Variants in ABCB1 observed in about 807,000 individuals in gnomAD.
ABCB1 encodes ATP-dependent translocase ABCB1.
Under a neutral mutation model 142.0 loss-of-function variants are expected in ABCB1, and 69 were observed. The ratio of observed to expected loss-of-function variants is 0.49; its 90% confidence interval spans 0.40 to 0.59. The LOEUF is 0.59. ABCB1 is among the 20% of genes least tolerant of loss of function. The pLI is 0.00. For missense variants in ABCB1, 1,326 were observed against 1,554.7 expected, an observed-to-expected ratio of 0.85 and a Z score of 2.47; for synonymous variants, 532 against 539.2, an observed-to-expected ratio of 0.99 and a Z score of 0.18.
At chr7:87,632,611 T>A (rs1381307762) in intron 1 of ABCB1, among the ~76,000 whole-genome samples, 1 of 152,196 alleles carries the variant, frequency 6.6e-6, no homozygotes, top group Non-Finnish European at 1.5e-5. Flanking sequence ...ATATTCTCTA[T>A]CGTTTAGAAC....
chr7:87,648,475 G>A (rs1823249726), intron 1 of ABCB1, among the ~76,000 whole-genome samples: 1 of 151,920 alleles, frequency 6.6e-6, no homozygotes, highest in African/African-American at 2.4e-5. Context: ...AGCATTGAAA[G>A]TGTAAAGGAA....
At chr7:87,512,452 A>C (rs954470582) in intron 25 of ABCB1, among the ~76,000 whole-genome samples, 1 of 152,184 alleles carries the variant, frequency 6.6e-6, no homozygotes, top group Non-Finnish European at 1.5e-5. Context: ...GTTTTTTACT[A>C]GCTCTTGAGG....
intron 1 of ABCB1, among the ~76,000 whole-genome samples, chr7:87,633,757 A>T (rs1407765520): frequency 6.6e-6 from 1 of 152,174 alleles, no homozygotes; most frequent in Non-Finnish European, 1.5e-5. Context: ...GGTGCTAACT[A>T]ATCAGAAAAA....
chr7:87,518,077 A>G (rs1815330573), intron 23 of ABCB1, among the ~76,000 whole-genome samples: 1 of 152,236 alleles, frequency 6.6e-6, no homozygotes, highest in African/African-American at 2.4e-5. Flanking sequence ...AGCCTGGAAC[A>G]GACATAATAC....
chr7:87,600,560 A>ACT (rs1325234545), intron 1 of ABCB1, among the ~76,000 whole-genome samples, 195 bp downstream of exon 1: 1 of 152,186 alleles, frequency 6.6e-6, no homozygotes, highest in Non-Finnish European at 1.5e-5. Flanking sequence ...GTCCAGTGCC[A>ACT]CTACGGTTTG....
At chr7:87,702,003 C>T (rs919988345) in intron 1 of ABCB1, among the ~76,000 whole-genome samples, 1 of 151,490 alleles carries the variant, frequency 6.6e-6, no homozygotes, top group Non-Finnish European at 1.5e-5. Context: ...ATTAGCCAGG[C>T]GTGGTGGTGG....
intron 1 of ABCB1, among the ~76,000 whole-genome samples, chr7:87,686,884 T>A (rs975347222): frequency 1.3e-5 from 2 of 149,510 alleles, no homozygotes; most frequent in African/African-American, 4.9e-5. Flanking sequence ...AGACCAAGGC[T>A]GCAGTGAGCC....
intron 1 of ABCB1, among the ~76,000 whole-genome samples, chr7:87,611,726 C>T (rs59360718): frequency 0.024 from 3,658 of 152,108 alleles, 159 homozygotes; most frequent in African/African-American, 0.083. Flanking sequence ...TTGATTTATG[C>T]AGATTTGAGT....
chr7:87,691,742 G>A (rs1314841826), intron 1 of ABCB1, among the ~76,000 whole-genome samples: 3 of 152,142 alleles, frequency 2.0e-5, no homozygotes, highest in Non-Finnish European at 4.4e-5. Context: ...CCTTCTTTCT[G>A]GGGTTGTCAG....
At chr7:87,699,118 G>GTGGT (rs2130685065) in intron 1 of ABCB1, among the ~76,000 whole-genome samples, 1 of 152,186 alleles carries the variant, frequency 6.6e-6, no homozygotes, top group South Asian at 2.1e-4. Flanking sequence ...TATTATCTCA[G>GTGGT]ACATTGGTCC....
chr7:87,611,097 A>G (rs945254408), intron 1 of ABCB1, among the ~76,000 whole-genome samples: 1 of 152,224 alleles, frequency 6.6e-6, no homozygotes, highest in Non-Finnish European at 1.5e-5. Flanking sequence ...TGTAAAATCT[A>G]CATAGGACCA....
intron 4 of ABCB1, among the ~76,000 whole-genome samples, chr7:87,575,568 C>G (rs1818239366): frequency 6.6e-6 from 1 of 152,048 alleles, no homozygotes; most frequent in Admixed American, 6.5e-5. Context: ...TTAAGAAGCT[C>G]TAATAAACCA....
rs576829142 is a variant in ABCB1 at position 87,544,202 on chromosome 7, A to C, written c.2138T>G (p.Val713Gly). 3 of 1,613,960 alleles carry C rather than the reference A, an allele frequency of 1.9e-6. No homozygotes were observed. Among genetic ancestry groups the C allele is most frequent in the Admixed American group, 1.7e-5 (1 of 60,026 alleles). The change falls in exon 17 of 28, where the codon GTT becomes GGT. Residue 713 changes from valine to glycine, a missense_variant. Coordinates refer to ENST00000622132, the MANE Select transcript of ABCB1 (RefSeq NM_001348946.2). Reference protein sequence around the residue: ...LNLTEWPYFVVGVFCAIINGG... With the variant: ...LNLTEWPYFVGGVFCAIINGG... ...ATTTATAATGGCACAAAATACACCA[A>C]CAACAAAATAAGGCCATTCAGTTAA...
intron 1 of ABCB1, among the ~76,000 whole-genome samples, chr7:87,696,721 T>C (rs904228954): frequency 6.6e-5 from 10 of 152,302 alleles, no homozygotes; most frequent in African/African-American, 2.4e-4. Flanking sequence ...ATCTAATTTG[T>C]AGAGCAGATA....
At chr7:87,604,800 T>A (rs1162482570), upstream of ABCB1, among the ~76,000 whole-genome samples, 1 of 152,210 alleles carries the variant, frequency 6.6e-6, no homozygotes, top group Non-Finnish European at 1.5e-5. Flanking sequence ...GATAAGTCGA[T>A]GGCAAATGGA....
At chr7:87,630,001 T>A (rs372428994) in intron 1 of ABCB1, among the ~76,000 whole-genome samples, 2 of 152,174 alleles carry the variant, frequency 1.3e-5, no homozygotes, top group African/African-American at 4.8e-5. Context: ...ATATTTTCTT[T>A]AAGTCTTATA....
chr7:87,711,640 A>G (rs1319307015), intron 1 of ABCB1, among the ~76,000 whole-genome samples: 3 of 152,176 alleles, frequency 2.0e-5, no homozygotes, highest in African/African-American at 7.2e-5. Flanking sequence ...TAAACTGTTT[A>G]ATGTAGCCAC....
At chr7:87,559,174 C>G (rs896970016) in intron 8 of ABCB1, among the ~76,000 whole-genome samples, 5 of 151,994 alleles carry the variant, frequency 3.3e-5, no homozygotes, top group African/African-American at 1.2e-4. Flanking sequence ...TGTGGTAGAA[C>G]TTGCCTACAA....
chr7:87,541,312 T>C (rs751996379), intron 18 of ABCB1, 45 bp downstream of exon 18: 28 of 1,218,260 alleles, frequency 2.3e-5, no homozygotes, highest in Non-Finnish European at 3.3e-5. Flanking sequence ...AGTTGAATAA[T>C]GATGCATTTC....
Sources: allele counts gnomAD v4.1 joint callset (sites outside exome capture counted in the v4.1 genomes callset), GRCh38; gene constraint gnomAD v4.1.1; transcripts MANE v1.5; gene names NCBI Gene and HGNC (gene_info 2026-07-23, HGNC 2026-07-21).